The following N4BP2L2 variants were observed in gnomAD, a reference collection of about 807,000 sequenced individuals.
The protein encoded by N4BP2L2 is NEDD4-binding protein 2-like 2.
In N4BP2L2, 50 loss-of-function variants were observed where a neutral mutation model predicts 56.2. The ratio of observed to expected loss-of-function variants is 0.89; its 90% CI spans 0.71 to 1.13. The LOEUF (loss-of-function observed/expected upper bound fraction) is 1.13, where lower values mean the gene tolerates loss of function less well. Among genes scored for constraint, N4BP2L2 ranks in the 50% most tolerant of loss-of-function variants. The pLI, the probability that N4BP2L2 is intolerant of heterozygous loss-of-function variation, is 0.00. For synonymous variants in N4BP2L2, 203 were observed against 223.6 expected (o/e 0.91, Z 0.82); for missense variants, 689 against 693.8 (o/e 0.99, Z 0.08).
rs183234054 is a variant in N4BP2L2 at position 32,477,124 on chromosome 13, A to G, written c.366-32998T>C. 7.6e-4 allele frequency: 465 copies of G among 608,828 alleles called. 2 individuals are homozygous for G. Among genetic ancestry groups the G allele is most frequent in the African/African-American group, 6.4e-3 (342 of 53,482 alleles). 37.7% of individuals were successfully genotyped at this position (608,828 alleles called of 1,614,324 possible). A position where few individuals can be genotyped will look rare whatever the true frequency, so the allele number is the denominator to read the frequency against. On this transcript the variant is annotated intron_variant, in intron 6 of 9. Coordinates refer to the N4BP2L2 transcript ENST00000357505. Reference sequence around the variant, plus strand: ...ACCAGTGAACTTGAATGTGTAACCAATAGTACTCTTGCCACTATCATACAC... The same window carrying G: ...ACCAGTGAACTTGAATGTGTAACCAGTAGTACTCTTGCCACTATCATACAC...
chr13:32,509,545 G>C (rs929391083), downstream of N4BP2L2: 2 of 152,054 alleles, frequency 1.3e-5, no homozygotes, highest in African/African-American at 4.8e-5. Flanking sequence ...AAAGCTCCTA[G>C]GACACAGTAG....
chr13:32,439,950 C>T (rs1409982985), intron 7 of N4BP2L2, among the ~76,000 whole-genome samples: 6 of 150,440 alleles, frequency 4.0e-5, no homozygotes, highest in African/African-American at 4.9e-5. Flanking sequence ...TGCTTGAACC[C>T]GGGAGGCAGA....
chr13:32,446,981 C>T (rs1025652440), intron 6 of N4BP2L2, among the ~76,000 whole-genome samples: 2 of 152,204 alleles, frequency 1.3e-5, no homozygotes, highest in Non-Finnish European at 2.9e-5. Flanking sequence ...GTTTGATTCG[C>T]TCTGAAGTCC....
chr13:32,527,386 G>C, intron 3 of N4BP2L2, 22 bp downstream of exon 3: 1 of 1,610,526 alleles, frequency 6.2e-7, no homozygotes, highest in Non-Finnish European at 8.5e-7. Flanking sequence ...TTCTATCCTG[G>C]GACACTTAGC....
chr13:32,535,605 T>TTATAGAG (rs2056357524), intron 2 of N4BP2L2, among the ~76,000 whole-genome samples, 164 bp downstream of exon 2: 1 of 152,224 alleles, frequency 6.6e-6, no homozygotes, highest in African/African-American at 2.4e-5. Flanking sequence ...GGTCTCACTA[T>TTATAGAG]GTTGCCCAGG....
chr13:32,463,226 G>T (rs1739336837), intron 6 of N4BP2L2, among the ~76,000 whole-genome samples: 1 of 152,206 alleles, frequency 6.6e-6, no homozygotes, highest in African/African-American at 2.4e-5. Context: ...GAAGAACAGT[G>T]AATTTGAAGA....
At chr13:32,508,337 A>G (rs929673785), downstream of N4BP2L2, 1 of 152,196 alleles carries the variant, frequency 6.6e-6, no homozygotes, top group African/African-American at 2.4e-5. Flanking sequence ...AGACTTGATC[A>G]TGTTTAACTG....
intron 2 of N4BP2L2, among the ~76,000 whole-genome samples, chr13:32,527,835 G>C (rs961834105): frequency 1.3e-4 from 19 of 148,918 alleles, no homozygotes; most frequent in African/African-American, 4.7e-4. Flanking sequence ...GCAGTGGCAC[G>C]ATCTTGGCTC....
intron 6 of N4BP2L2, among the ~76,000 whole-genome samples, chr13:32,490,788 G>A (rs1566116947): frequency 6.6e-6 from 1 of 152,084 alleles, no homozygotes. Context: ...GTGCTCCTAT[G>A]AGAATCTAAT....
chr13:32,522,477 A>C, intron 3 of N4BP2L2: 1 of 348,324 alleles, frequency 2.9e-6, no homozygotes, highest in Non-Finnish European at 5.0e-6. Flanking sequence ...CATTCTCCAG[A>C]CTGGATGCTG....
chr13:32,452,538 C>G (rs550027006), intron 6 of N4BP2L2, among the ~76,000 whole-genome samples: 16 of 152,300 alleles, frequency 1.1e-4, no homozygotes, highest in Non-Finnish European at 1.2e-4. Flanking sequence ...TGGTTTATCT[C>G]AAGATTGCAA....
intron 6 of N4BP2L2, among the ~76,000 whole-genome samples, chr13:32,493,386 AAAC>A (rs903690390): frequency 9.9e-4 from 151 of 152,318 alleles, no homozygotes; most frequent in African/African-American, 2.8e-3. Flanking sequence ...ATAAAAATAA[AAAC>A]AACAACAACA....
chr13:32,442,292 T>C, intron 7 of N4BP2L2: 2 of 1,072,902 alleles, frequency 1.9e-6, no homozygotes, highest in South Asian at 1.7e-5. Context: ...ATTAATAAAC[T>C]GCATGAGATC....
At chr13:32,450,773 G>A (rs987859311) in intron 6 of N4BP2L2, among the ~76,000 whole-genome samples, 4 of 152,118 alleles carry the variant, frequency 2.6e-5, no homozygotes, top group Admixed American at 2.0e-4. Flanking sequence ...TGGGACTACA[G>A]CAGCGCCACC....
chr13:32,447,940 A>G (rs1331390316), intron 6 of N4BP2L2, among the ~76,000 whole-genome samples: 3 of 152,220 alleles, frequency 2.0e-5, no homozygotes, highest in African/African-American at 7.2e-5. Flanking sequence ...AGTTTGGGAG[A>G]TCAGGCAATT....
In N4BP2L2 at chr13:32,444,035, T is replaced by C. The variant is rs755127009; in HGVS notation, c.457A>G (p.Arg153Gly). 4.4e-6 allele frequency: 7 copies of C among 1,606,760 alleles called. 1 individual carries two copies. The highest frequency in any genetic ancestry group is 6.0e-6 in the Non-Finnish European group (7 of 1,176,034). Residue 153 changes from arginine to glycine, a missense_variant, in exon 7 of 10, where the codon AGA (arginine) becomes GGA (glycine). Physicochemically the swap from Arg to Gly is moderately radical, Grantham distance 125 (BLOSUM62 -2). Transcript: ENST00000357505. ...TCTAATGAGTTTTCCTCCATGATTC[T>C]ATTCTGACTGTTCTGCTTTTTGTTT...
chr13:32,441,690 C>CATAA (rs199951664), intron 7 of N4BP2L2, among the ~76,000 whole-genome samples: 2,928 of 137,622 alleles, frequency 0.021, 43 homozygotes, highest in East Asian at 0.033. Context: ...CTCTCAAAAA[C>CATAA]ATAAATAAAT....
exon 2 of N4BP2L2, chr13:32,535,891 G>A (rs1236093336): frequency 1.2e-6 from 2 of 1,613,946 alleles, no homozygotes; most frequent in South Asian, 2.2e-5. Context: ...CATTATGCTT[G>A]TCCATACAAT....
At chr13:32,440,286 G>A (rs148419902) in intron 7 of N4BP2L2, among the ~76,000 whole-genome samples, 44 of 152,186 alleles carry the variant, frequency 2.9e-4, no homozygotes, top group Middle Eastern at 3.4e-3. Context: ...CCCAAGGAAC[G>A]CTGAGAGGTA....
Sources: gnomAD v4.1 joint callset for allele counts (sites outside exome capture counted in the v4.1 genomes callset) on GRCh38, gnomAD v4.1.1 for gene constraint, MANE v1.5 for transcripts, NCBI Gene and HGNC (gene_info 2026-07-23, HGNC 2026-07-21) for gene names.